Variants in ADCY2 observed in about 807,000 individuals in gnomAD.
The protein encoded by ADCY2 is adenylate cyclase 2.
ADCY2 carries 31 observed loss-of-function variants against 125.2 expected under a neutral mutation model. That is an observed-to-expected ratio of 0.25 (90% CI 0.19 to 0.33). The LOEUF (loss-of-function observed/expected upper bound fraction) is 0.33. Ranked by LOEUF, ADCY2 falls within the 10% of genes least tolerant of loss-of-function variation. ADCY2 has a pLI of 1.00. For synonymous variants in ADCY2, 512 were observed against 548.4 expected, an observed-to-expected ratio of 0.93 and a Z score of 0.93; for missense variants, 904 against 1,418.2, an observed-to-expected ratio of 0.64 and a Z score of 5.82.
chr5:7,424,550 T>G (rs1230627653), intron 2 of ADCY2, among the ~76,000 whole-genome samples: 1 of 152,236 alleles, frequency 6.6e-6, no homozygotes, highest in East Asian at 1.9e-4. Flanking sequence ...AGGGACATAT[T>G]TGTGAATCTG....
chr5:7,665,235 C>T lies in ADCY2; in HGVS notation c.721-25456C>T, dbSNP rs184946490. Among the ~76,000 whole-genome samples the T allele has an allele frequency of 4.3e-3, 656 of 152,302 alleles. 8 individuals carry two copies. The highest frequency in any genetic ancestry group is 0.017 in the Middle Eastern group (5 of 294). On this transcript the variant is annotated intron_variant, in intron 4 of 24. Coordinates refer to ENST00000338316, the MANE Select transcript of ADCY2 (RefSeq NM_020546.3). ...CTTTTCATCAACACCATTGTCCTTT[C>T]CTTCCCTTCTTTGGCTGCATTTAAA...
chr5:7,642,648 C>A (rs1445779474), intron 4 of ADCY2, among the ~76,000 whole-genome samples: 4 of 151,976 alleles, frequency 2.6e-5, no homozygotes. Flanking sequence ...ATGAACATCA[C>A]CAATGCATAT....
At chr5:7,813,332 T>TA (rs1290820629) in intron 22 of ADCY2, among the ~76,000 whole-genome samples, 1 of 152,230 alleles carries the variant, frequency 6.6e-6, no homozygotes, top group African/African-American at 2.4e-5. Flanking sequence ...AGAGGAAGGT[T>TA]ATGTTTATTT....
At chr5:7,492,260 G>A (rs1200226884) in intron 2 of ADCY2, among the ~76,000 whole-genome samples, 1 of 152,218 alleles carries the variant, frequency 6.6e-6, no homozygotes, top group Non-Finnish European at 1.5e-5. Flanking sequence ...ATGTTTGGAA[G>A]TGGGACCACA....
intron 7 of ADCY2, among the ~76,000 whole-genome samples, chr5:7,699,080 C>CCTTTT (rs1740989782): frequency 1.1e-4 from 4 of 36,554 alleles, no homozygotes; most frequent in Non-Finnish European, 1.7e-4. Context: ...CAACAGTAAG[C>CCTTTT]ATTTTTTTTT....
chr5:7,782,358 G>C (rs1018556815), intron 18 of ADCY2: 1 of 161,408 alleles, frequency 6.2e-6, no homozygotes, highest in Non-Finnish European at 1.5e-5. Flanking sequence ...TAGGTTGCTT[G>C]TGTGAATTTT....
intron 3 of ADCY2, among the ~76,000 whole-genome samples, chr5:7,602,513 C>T (rs529767422): frequency 6.6e-6 from 1 of 152,200 alleles, no homozygotes. Flanking sequence ...TGCCCAAGTT[C>T]TACCTACAAG....
chr5:7,714,343 T>C (rs893534339), intron 11 of ADCY2, among the ~76,000 whole-genome samples: 2 of 152,240 alleles, frequency 1.3e-5, no homozygotes, highest in African/African-American at 4.8e-5. Flanking sequence ...AGAGTCTATT[T>C]ATAGAAGTTA....
chr5:7,601,032 T>A (rs1737183360), intron 3 of ADCY2, among the ~76,000 whole-genome samples: 1 of 152,152 alleles, frequency 6.6e-6, no homozygotes, highest in South Asian at 2.1e-4. Context: ...TTGAAATCCT[T>A]TAAAATCTCT....
chr5:7,826,357 T>C (rs1745477833), intron 24 of ADCY2, among the ~76,000 whole-genome samples: 1 of 152,160 alleles, frequency 6.6e-6, no homozygotes, highest in Non-Finnish European at 1.5e-5. Context: ...GTCTCTTCAG[T>C]GTGAATACAT....
At chr5:7,438,175 G>T (rs1289825885) in intron 2 of ADCY2, among the ~76,000 whole-genome samples, 1 of 152,202 alleles carries the variant, frequency 6.6e-6, no homozygotes, top group South Asian at 2.1e-4. Context: ...CAGATGGAAA[G>T]GTGGTGGACA....
chr5:7,602,806 G>A (rs1243127725), intron 3 of ADCY2, among the ~76,000 whole-genome samples: 2 of 152,186 alleles, frequency 1.3e-5, no homozygotes, highest in Non-Finnish European at 2.9e-5. Context: ...AGGCAAGGCT[G>A]TGTTTACTGA....
At chr5:7,412,077 A>T (rs1163877624) in intron 1 of ADCY2, among the ~76,000 whole-genome samples, 2 of 151,838 alleles carry the variant, frequency 1.3e-5, no homozygotes, top group Non-Finnish European at 2.9e-5. Context: ...TCCGTCTCAA[A>T]AAAAAAAAAG....
chr5:7,737,262 A>G (rs1742277474), intron 14 of ADCY2, among the ~76,000 whole-genome samples: 1 of 152,218 alleles, frequency 6.6e-6, no homozygotes, highest in Non-Finnish European at 1.5e-5. Context: ...TAGCCATGAT[A>G]TTAGCAACAG....
intron 2 of ADCY2, among the ~76,000 whole-genome samples, chr5:7,416,086 C>G (rs1449693780): frequency 6.6e-6 from 1 of 152,124 alleles, no homozygotes; most frequent in Non-Finnish European, 1.5e-5. Context: ...GACAGAATGG[C>G]TCAAAAGCCA....
intron 14 of ADCY2, among the ~76,000 whole-genome samples, chr5:7,732,207 T>A (rs2126410647): frequency 6.6e-6 from 1 of 152,364 alleles, no homozygotes; most frequent in East Asian, 1.9e-4. Context: ...TCAACACCTA[T>A]TGGCATGGAG....
At chr5:7,430,237 C>T (rs1740537867) in intron 2 of ADCY2, among the ~76,000 whole-genome samples, 1 of 151,872 alleles carries the variant, frequency 6.6e-6, no homozygotes, top group Non-Finnish European at 1.5e-5. Context: ...AAAGAATGCT[C>T]CAGGTCCAAA....
At chr5:7,755,819 C>T (rs1038331635) in intron 15 of ADCY2, among the ~76,000 whole-genome samples, 9 of 152,160 alleles carry the variant, frequency 5.9e-5, no homozygotes, top group Non-Finnish European at 8.8e-5. Flanking sequence ...ATGCTTAGGG[C>T]AACAATAATT....
chr5:7,396,344 C>T lies in ADCY2; in HGVS notation c.48C>T (p.Ser16=), dbSNP rs772867932. 1 of 1,538,864 alleles carries T rather than the reference C, an allele frequency of 6.5e-7. No individual in the cohort carries two copies. Among genetic ancestry groups the T allele is most frequent in the East Asian group, 2.7e-5 (1 of 36,660 alleles). Residue 16 remains serine, a synonymous_variant, in exon 1 of 25, where the codon TCC becomes TCT. Coordinates refer to ENST00000338316, the MANE Select transcript of ADCY2 (RefSeq NM_020546.3). This position sits in a 1 kb window ranked among gnomAD's most constrained non-coding sequence, Gnocchi z 5.7. ...GCCGCCGCTACCTGCGGGACCGCTC[C>T]GAGGAGGCGGCGGGCGGCGGAGACG... ...MRRRRYLRDR[S]EEAAGGGDGL...
Sources: gnomAD v4.1 joint callset for allele counts (sites outside exome capture counted in the v4.1 genomes callset) on GRCh38, gnomAD v4.1.1 for gene constraint, Gnocchi (gnomAD v3.1) non-coding constraint, MANE v1.5 for transcripts, NCBI Gene and HGNC (gene_info 2026-07-23, HGNC 2026-07-21) for gene names.